The following TMTC1 variants were observed in gnomAD, a reference collection of about 807,000 sequenced individuals.
TMTC1 encodes the protein transmembrane O-mannosyltransferase targeting cadherins 1, also known as protein O-mannosyl-transferase TMTC1.
TMTC1 carries 73 observed loss-of-function variants against 104.8 expected under a neutral mutation model. The ratio of observed to expected loss-of-function variants is 0.70; its 90% CI spans 0.58 to 0.85. The LOEUF is 0.85. TMTC1 is among the 40% of genes least tolerant of loss of function. TMTC1 has a pLI of 0.00. For synonymous variants in TMTC1, 434 were observed against 428.7 expected, an observed-to-expected ratio of 1.01 and a Z score of -0.15; for missense variants, 1,035 against 1,096.1, an observed-to-expected ratio of 0.94 and a Z score of 0.79.
At chr12:29,533,025 A>T (rs1432780830) in intron 11 of TMTC1, 1 of 152,154 alleles carries the variant, frequency 6.6e-6, no homozygotes, top group African/African-American at 2.4e-5. Flanking sequence ...AAGGCTCTCA[A>T]CTACTCACAC....
chr12:29,581,114 A>G (rs1022996036), intron 8 of TMTC1, among the ~76,000 whole-genome samples: 2 of 151,932 alleles, frequency 1.3e-5, no homozygotes, highest in Non-Finnish European at 2.9e-5. Flanking sequence ...ACAGCTATTC[A>G]ATGGCAGAAC....
chr12:29,758,766 G>A lies in TMTC1; in HGVS notation c.492C>T (p.Ile164=), dbSNP rs776700889. Residue 164 remains isoleucine, a synonymous_variant, in exon 3 of 18, where the codon ATC becomes ATT. Transcript: ENST00000539277. ...ACGCTAACACGTCCGCTCTGCCAAC[G>A]ATCCCAGCCACCTTGGAAGTTAAAA... ...HPIHTEAVAG[I]VGRADVLACL... 25 of 1,604,984 alleles carry A rather than the reference G, an allele frequency of 1.6e-5. No homozygotes were observed. The Admixed American group carries it at 2.9e-4, about 19-fold the overall frequency.
At chr12:29,518,949 G>T (rs930094795) in intron 12 of TMTC1, among the ~76,000 whole-genome samples, 2 of 152,142 alleles carry the variant, frequency 1.3e-5, no homozygotes, top group Non-Finnish European at 2.9e-5. Context: ...ATTTATCCAA[G>T]ATATAACTGG....
intron 5 of TMTC1, among the ~76,000 whole-genome samples, chr12:29,697,284 T>C (rs1303539928): frequency 1.3e-5 from 2 of 152,206 alleles, no homozygotes; most frequent in Non-Finnish European, 2.9e-5. Context: ...TGGGACAGTC[T>C]TTTACCTTTA....
At chr12:29,683,469 G>A (rs1190534195) in intron 5 of TMTC1, among the ~76,000 whole-genome samples, 1 of 152,158 alleles carries the variant, frequency 6.6e-6, no homozygotes, top group East Asian at 1.9e-4. Flanking sequence ...TGAAGCATCT[G>A]AACTAAATTA....
At chr12:29,731,447 G>A (rs1365084478) in intron 5 of TMTC1, among the ~76,000 whole-genome samples, 1 of 152,136 alleles carries the variant, frequency 6.6e-6, no homozygotes, top group Non-Finnish European at 1.5e-5. Flanking sequence ...CACAATGCAC[G>A]GCCGCAAATT....
intron 7 of TMTC1, among the ~76,000 whole-genome samples, chr12:29,602,126 G>A (rs1180200789): frequency 1.3e-5 from 2 of 151,638 alleles, no homozygotes; most frequent in Admixed American, 6.6e-5. Context: ...GAGCCACCGC[G>A]CCTGGCATCT....
At chr12:29,774,754 G>C (rs542023517) in intron 1 of TMTC1, among the ~76,000 whole-genome samples, 14 of 152,186 alleles carry the variant, frequency 9.2e-5, no homozygotes, top group Middle Eastern at 3.4e-3. Flanking sequence ...CAATCATTTT[G>C]GTTGCTCTTC....
At chr12:29,525,302 C>T (rs771190091) in intron 11 of TMTC1, among the ~76,000 whole-genome samples, 3 of 150,462 alleles carry the variant, frequency 2.0e-5, no homozygotes, top group Non-Finnish European at 4.4e-5. Context: ...CCTGCCTCAG[C>T]CTCCCAATTA....
chr12:29,630,515 G>A (rs1404228724), intron 6 of TMTC1, among the ~76,000 whole-genome samples: 1 of 152,100 alleles, frequency 6.6e-6, no homozygotes, highest in Non-Finnish European at 1.5e-5. Flanking sequence ...TTTGGGTGGG[G>A]ACACAGCCAA....
intron 5 of TMTC1, among the ~76,000 whole-genome samples, chr12:29,637,088 ACACACACACACAC>A (rs1938596805): frequency 1.4e-5 from 2 of 145,828 alleles, no homozygotes; most frequent in East Asian, 2.1e-4. Context: ...AATGAGAAAC[ACACACACACACAC>A]ACACACACAC....
At chr12:29,747,401 A>T (rs1942980567) in intron 5 of TMTC1, among the ~76,000 whole-genome samples, 1 of 152,202 alleles carries the variant, frequency 6.6e-6, no homozygotes, top group Non-Finnish European at 1.5e-5. Flanking sequence ...TCTACCCATA[A>T]GTCAATCAGT....
intron 11 of TMTC1, among the ~76,000 whole-genome samples, chr12:29,528,030 T>C (rs1479017162): frequency 6.6e-6 from 1 of 152,178 alleles, no homozygotes; most frequent in Non-Finnish European, 1.5e-5. Flanking sequence ...TTTCATGGAA[T>C]GATCAACTCT....
At position 29,762,657 on chromosome 12, in the gene TMTC1, G is replaced by C. The variant is rs1022674084; in HGVS notation, c.481-3880C>G. 2.6e-5 allele frequency among the ~76,000 whole-genome samples: 4 copies of C among 152,190 alleles called. No homozygotes were observed. In the East Asian group the frequency reaches 7.7e-4, roughly 29 times the overall value. ...CTGGACATGGCCAAAGAATACCATT[G>C]GCAATACAGAGCTGAAAGCTATTAC... is the stretch of plus-strand genomic sequence containing the variant. On this transcript the variant is annotated intron_variant, in intron 2 of 17. Transcript: ENST00000539277.
chr12:29,700,874 T>C (rs1941569818), intron 5 of TMTC1, among the ~76,000 whole-genome samples: 1 of 152,174 alleles, frequency 6.6e-6, no homozygotes, highest in East Asian at 1.9e-4. Flanking sequence ...AGGCTGTTTT[T>C]TAAAGAAAAC....
intron 5 of TMTC1, among the ~76,000 whole-genome samples, chr12:29,734,061 C>T (rs1942610745): frequency 6.6e-6 from 1 of 152,160 alleles, no homozygotes; most frequent in Non-Finnish European, 1.5e-5. Context: ...TAATGCAATA[C>T]TCCCCATTCT....
At chr12:29,524,691 T>G (rs937521747) in intron 11 of TMTC1, among the ~76,000 whole-genome samples, 12 of 152,232 alleles carry the variant, frequency 7.9e-5, no homozygotes, top group Non-Finnish European at 2.9e-5. Context: ...AAACCTATGA[T>G]GTAGGTTAAA....
At chr12:29,722,905 A>G (rs547311148) in intron 5 of TMTC1, among the ~76,000 whole-genome samples, 24 of 144,790 alleles carry the variant, frequency 1.7e-4, no homozygotes, top group African/African-American at 5.9e-4. Flanking sequence ...TGAGCAACAG[A>G]GCAAGACTCT....
intron 5 of TMTC1, among the ~76,000 whole-genome samples, chr12:29,713,133 C>T (rs192235064): frequency 2.0e-5 from 3 of 151,920 alleles, no homozygotes; most frequent in South Asian, 2.1e-4. Context: ...CAGACTGCAA[C>T]GTGGAAATGT....
Sources: gnomAD v4.1 joint callset for allele counts (sites outside exome capture counted in the v4.1 genomes callset) on GRCh38, gnomAD v4.1.1 for gene constraint, MANE v1.5 for transcripts, NCBI Gene and HGNC (gene_info 2026-07-23, HGNC 2026-07-21) for gene names.